COMMD7: variants seen among roughly 807,000 people sequenced by gnomAD.
The protein encoded by COMMD7 is COMM domain containing 7.
Under a neutral mutation model 34.8 loss-of-function variants are expected in COMMD7, and 28 were observed. The ratio of observed to expected loss-of-function variants is 0.80; its 90% CI spans 0.60 to 1.10. The LOEUF is 1.10. COMMD7 is among the 50% of genes least tolerant of loss of function. The pLI, the probability that COMMD7 is intolerant of heterozygous loss-of-function variation, is 0.00. For synonymous variants in COMMD7, 80 were observed against 86.4 expected (o/e 0.93, Z 0.41); for missense variants, 211 against 241.6 (o/e 0.87, Z 0.84).
intron 3 of COMMD7, among the ~76,000 whole-genome samples, 169 bp from the exon 4 acceptor site, chr20:32,706,929 G>A (rs939017907): frequency 6.6e-6 from 1 of 152,102 alleles, no homozygotes; most frequent in South Asian, 2.1e-4. Context: ...GAAATGACCA[G>A]AAAACAAGAA....
chr20:32,706,430 T>C (rs1984082922), intron 5 of COMMD7, among the ~76,000 whole-genome samples, 153 bp downstream of exon 5: 5 of 151,520 alleles, frequency 3.3e-5, no homozygotes. Flanking sequence ...GAAGAATCAC[T>C]TGAACCCGAG....
chr20:32,719,160 G>C (rs776481992), intron 3 of COMMD7, among the ~76,000 whole-genome samples: 2 of 152,204 alleles, frequency 1.3e-5, no homozygotes, highest in African/African-American at 2.4e-5. Context: ...ATTACGCAAG[G>C]TAAACAGTTG....
Position 32,713,695 on chromosome 20 carries a change from C to G in COMMD7, c.242-6935G>C, listed in dbSNP as rs139453383. Among the ~76,000 whole-genome samples the G allele has an allele frequency of 3.3e-4, 51 of 152,288 alleles. 1 individual carries two copies. The highest frequency in any genetic ancestry group is 1.2e-3 in the African/African-American group (50 of 41,582). On this transcript the variant is annotated intron_variant, in intron 3 of 8. Transcript: ENST00000278980. ...TTTACTGAGCACTGCCATGTGCCTG[C>G]ACTGTGCTAGATGCTGGGAAACATC...
intron 1 of COMMD7, among the ~76,000 whole-genome samples, chr20:32,728,661 GGCTCAA>G (rs2145766060): frequency 6.7e-6 from 1 of 148,630 alleles, no homozygotes; most frequent in Admixed American, 6.6e-5. Context: ...CTGCCTCCTG[GGCTCAA>G]GCAATCCTCC....
At chr20:32,741,457 C>T (rs1169387999) in intron 1 of COMMD7, among the ~76,000 whole-genome samples, 5 of 150,000 alleles carry the variant, frequency 3.3e-5, no homozygotes, top group Non-Finnish European at 5.9e-5. Context: ...GTGGTGCAAT[C>T]GCAGCTTACT....
chr20:32,709,559 C>T (rs186315715), intron 3 of COMMD7, among the ~76,000 whole-genome samples: 4 of 152,232 alleles, frequency 2.6e-5, no homozygotes, highest in Admixed American at 6.5e-5. Context: ...CAAAAACAAA[C>T]GATGACAAAA....
At chr20:32,706,087 A>T (rs576528410) in intron 5 of COMMD7, among the ~76,000 whole-genome samples, 1 of 151,768 alleles carries the variant, frequency 6.6e-6, no homozygotes, top group Non-Finnish European at 1.5e-5. Context: ...AATCCCAGCT[A>T]CTTGGAAGGC....
intron 1 of COMMD7, among the ~76,000 whole-genome samples, chr20:32,729,707 G>A (rs1039008785): frequency 6.6e-6 from 1 of 151,604 alleles, no homozygotes; most frequent in Non-Finnish European, 1.5e-5. Flanking sequence ...AAGCAGAACT[G>A]TTAGAAATAA....
intron 1 of COMMD7, among the ~76,000 whole-genome samples, chr20:32,741,657 A>C (rs73112104): frequency 3.3e-5 from 5 of 151,990 alleles, no homozygotes; most frequent in Non-Finnish European, 7.4e-5. Context: ...CCAAAGTCCT[A>C]GGGTAGGTGT....
At chr20:32,723,045 A>AAATAAATAAATAAATAAAT (rs1555806267) in intron 3 of COMMD7, among the ~76,000 whole-genome samples, 1 of 40,384 alleles carries the variant, frequency 2.5e-5, no homozygotes, top group African/African-American at 8.5e-5. Context: ...ATAAATAAAT[A>AAATAAATAAATAAATAAAT]AATAATAATA....
chr20:32,706,999 C>A (rs1315737476), intron 3 of COMMD7, among the ~76,000 whole-genome samples: 1 of 151,158 alleles, frequency 6.6e-6, no homozygotes, highest in Non-Finnish European at 1.5e-5. Context: ...TTTTGCCGGG[C>A]ACGGTAGCTC....
chr20:32,727,154 G>A (rs1985556398), intron 3 of COMMD7, among the ~76,000 whole-genome samples: 1 of 151,798 alleles, frequency 6.6e-6, no homozygotes, highest in Admixed American at 6.6e-5. Context: ...TTGAGCCTAG[G>A]AGTTTGAGGC....
At chr20:32,706,217 A>G (rs1268861060) in intron 5 of COMMD7, among the ~76,000 whole-genome samples, 1 of 151,740 alleles carries the variant, frequency 6.6e-6, no homozygotes, top group African/African-American at 2.4e-5. Flanking sequence ...AAAAAAAGAA[A>G]GAAAGAAAGA....
Position 32,739,759 on chromosome 20 carries a change from T to C in COMMD7, c.84+3549A>G, listed in dbSNP as rs760789111. Among the ~76,000 whole-genome samples, 2 of 141,678 alleles carry C rather than the reference T, an allele frequency of 1.4e-5. 1 individual carries two copies. The highest frequency in any genetic ancestry group is 3.1e-5 in the Non-Finnish European group (2 of 65,230). 92.9% of individuals were successfully genotyped at this position (141,678 alleles called of 152,430 possible). The stretch of plus-strand genomic sequence containing the variant: ...CTGACCAGGGGTGGTGGCTCACTCC[T>C]GTAATCCCAGCACTTTGGGGGGCCA... On this transcript the variant is annotated intron_variant, in intron 1 of 8. Transcript: ENST00000278980.
intron 5 of COMMD7, among the ~76,000 whole-genome samples, chr20:32,705,376 A>T (rs28450326): frequency 0.3 from 37,203 of 125,088 alleles, 5,464 homozygotes; most frequent in Middle Eastern, 0.39. Flanking sequence ...ATATATATAT[A>T]TTTTTTTTTT....
chr20:32,712,254 A>T (rs993794231), intron 3 of COMMD7, among the ~76,000 whole-genome samples: 1 of 118,846 alleles, frequency 8.4e-6, no homozygotes, highest in Non-Finnish European at 1.7e-5. Flanking sequence ...TGGGCCACAG[A>T]GCAAGACTCC....
At chr20:32,742,415 GAC>G (rs1986494954) in intron 1 of COMMD7, 1 of 152,058 alleles carries the variant, frequency 6.6e-6, no homozygotes, top group Admixed American at 6.6e-5. Context: ...CCTGGGAAGT[GAC>G]AACCTAGCGG....
intron 3 of COMMD7, among the ~76,000 whole-genome samples, chr20:32,711,402 A>AG (rs1984439070): frequency 9.5e-6 from 1 of 105,526 alleles, no homozygotes; most frequent in Non-Finnish European, 2.2e-5. Flanking sequence ...GTCTAAAAAA[A>AG]AAAAATGTTA....
intron 1 of COMMD7, among the ~76,000 whole-genome samples, chr20:32,740,873 T>A (rs186267199): frequency 8.7e-4 from 131 of 150,396 alleles, no homozygotes; most frequent in African/African-American, 3.0e-3. Flanking sequence ...GCAGGGTGCA[T>A]GGCTTACGCC....
Sources: gnomAD v4.1 joint callset for allele counts (sites outside exome capture counted in the v4.1 genomes callset) on GRCh38, gnomAD v4.1.1 for gene constraint, MANE v1.5 for transcripts, NCBI Gene and HGNC (gene_info 2026-07-23, HGNC 2026-07-21) for gene names.